The following SLIT3 variants were observed in gnomAD, a reference collection of about 807,000 sequenced individuals.
The protein encoded by SLIT3 is slit guidance ligand 3.
Under a neutral mutation model 184.0 loss-of-function variants are expected in SLIT3, and 68 were observed. That is an observed-to-expected ratio of 0.37 (90% CI 0.30 to 0.45). The LOEUF (loss-of-function observed/expected upper bound fraction) is 0.45, where lower values mean the gene tolerates loss of function less well. Among genes scored for constraint, SLIT3 ranks in the 20% least tolerant of loss-of-function variants. The pLI, the probability that SLIT3 is intolerant of heterozygous loss-of-function variation, is 1.00. For missense variants in SLIT3, 1,707 were observed against 2,026.0 expected (o/e 0.84, Z 3.02); for synonymous variants, 831 against 828.6 (o/e 1.00, Z -0.05).
chr5:168,748,738 C>T (rs1253330031), intron 19 of SLIT3, among the ~76,000 whole-genome samples: 3 of 152,138 alleles, frequency 2.0e-5, no homozygotes, highest in African/African-American at 4.8e-5. Flanking sequence ...GGGAGGGGGG[C>T]AGAGCCTTGT....
At chr5:169,167,519 G>A (rs574189750) in intron 4 of SLIT3, among the ~76,000 whole-genome samples, 4 of 151,874 alleles carry the variant, frequency 2.6e-5, no homozygotes, top group South Asian at 4.2e-4. Context: ...CTCGTGATCC[G>A]CTTACATCGG....
At chr5:169,187,111 G>GTTTTTTTTTTTTTTT (rs761501769) in intron 4 of SLIT3, among the ~76,000 whole-genome samples, 21 of 94,422 alleles carry the variant, frequency 2.2e-4, no homozygotes, top group Non-Finnish European at 3.7e-4. Context: ...GCAGCTATAG[G>GTTTTTTTTTTTTTTT]TTTTTTTTTT....
chr5:169,197,105 T>C (rs192101049), intron 3 of SLIT3, among the ~76,000 whole-genome samples: 172 of 152,302 alleles, frequency 1.1e-3, no homozygotes, highest in Non-Finnish European at 2.2e-3. Flanking sequence ...CCAAGGCTCC[T>C]GGAAGGGAAG....
chr5:169,253,195 G>C (rs560729796), intron 1 of SLIT3, among the ~76,000 whole-genome samples: 1 of 152,256 alleles, frequency 6.6e-6, no homozygotes, highest in African/African-American at 2.4e-5. Flanking sequence ...CATCACACGT[G>C]TTCTTCTTAC....
At chr5:168,773,307 C>T (rs1439642805) in intron 13 of SLIT3, among the ~76,000 whole-genome samples, 1 of 152,148 alleles carries the variant, frequency 6.6e-6, no homozygotes, top group Non-Finnish European at 1.5e-5. Context: ...TTTCTCTAAG[C>T]TCAGTGACAC....
intron 4 of SLIT3, among the ~76,000 whole-genome samples, chr5:168,915,933 T>G (rs1761419309): frequency 6.6e-6 from 1 of 152,252 alleles, no homozygotes; most frequent in Non-Finnish European, 1.5e-5. Flanking sequence ...GGAATTAATA[T>G]TCATTTTGTT....
intron 4 of SLIT3, among the ~76,000 whole-genome samples, chr5:169,117,728 C>T (rs1188825924): frequency 6.6e-6 from 1 of 152,172 alleles, no homozygotes; most frequent in Non-Finnish European, 1.5e-5. Flanking sequence ...AACTCTATTC[C>T]CTGCGACCCA....
intron 4 of SLIT3, among the ~76,000 whole-genome samples, chr5:168,885,365 A>G (rs1052533554): frequency 2.0e-5 from 3 of 152,188 alleles, no homozygotes; most frequent in African/African-American, 7.2e-5. Flanking sequence ...GCCTGATTCA[A>G]TGAGCAGGGC....
intron 4 of SLIT3, among the ~76,000 whole-genome samples, chr5:168,952,757 C>G (rs776172072): frequency 2.0e-5 from 3 of 152,126 alleles, no homozygotes; most frequent in Non-Finnish European, 4.4e-5. Flanking sequence ...AGAGATTAGG[C>G]CTTGTTAAAG....
At chr5:168,879,776 C>T (rs180688203) in intron 5 of SLIT3, among the ~76,000 whole-genome samples, 2 of 152,300 alleles carry the variant, frequency 1.3e-5, no homozygotes, top group East Asian at 1.9e-4. Flanking sequence ...TCACTTCACA[C>T]CCAATGTGAT....
intron 4 of SLIT3, among the ~76,000 whole-genome samples, chr5:168,901,851 A>AT (rs1429157672): frequency 6.6e-6 from 1 of 152,164 alleles, no homozygotes; most frequent in East Asian, 1.9e-4. Flanking sequence ...CCTCTTTGCC[A>AT]TATGCCCTGT....
intron 12 of SLIT3, 69 bp from the exon 13 acceptor site, chr5:168,774,447 T>C (rs1755670218): frequency 1.4e-6 from 2 of 1,472,244 alleles, no homozygotes; most frequent in Non-Finnish European, 1.8e-6. Flanking sequence ...GGGTTGCACC[T>C]GCAGGGGATG....
At chr5:169,233,250 C>A (rs1192691257) in intron 3 of SLIT3, among the ~76,000 whole-genome samples, 2 of 152,190 alleles carry the variant, frequency 1.3e-5, no homozygotes, top group Non-Finnish European at 2.9e-5. Context: ...GTCTCGATCT[C>A]CAGACCTCGT....
intron 3 of SLIT3, among the ~76,000 whole-genome samples, chr5:169,204,887 G>A (rs111568607): frequency 0.014 from 2,111 of 152,288 alleles, 41 homozygotes; most frequent in African/African-American, 0.049. Flanking sequence ...GAGGTTAGTG[G>A]TCATGAGCTG....
chr5:168,725,393 C>T (rs1194203847), intron 20 of SLIT3, among the ~76,000 whole-genome samples: 1 of 152,198 alleles, frequency 6.6e-6, no homozygotes, highest in Non-Finnish European at 1.5e-5. Context: ...GGACATGCCA[C>T]CCTTGCTGTA....
intron 4 of SLIT3, among the ~76,000 whole-genome samples, chr5:169,126,862 T>C (rs1003876067): frequency 6.7e-6 from 1 of 150,088 alleles, no homozygotes; most frequent in South Asian, 2.1e-4. Flanking sequence ...GCCCAGATTT[T>C]TCTCTCCCAC....
At position 168,671,538 on chromosome 5, in the gene SLIT3, G is replaced by A. The variant is rs1761245262; in HGVS notation, c.3842-55C>T. 3.2e-6 allele frequency: 5 copies of A among 1,548,866 alleles called. No homozygotes were observed. In the East Asian group the frequency reaches 9.2e-5, roughly 29 times the overall value. ...GAAGACCCTCCCCTGCCACCCTGCT[G>A]TCCTCAGAGCGAAAAAGCACTTTTC... On this transcript the variant is annotated intron_variant, in intron 33 of 35. Coordinates refer to ENST00000519560, the MANE Select transcript of SLIT3 (RefSeq NM_003062.4).
At chr5:168,914,140 C>T (rs1258033523) in intron 4 of SLIT3, among the ~76,000 whole-genome samples, 2 of 152,182 alleles carry the variant, frequency 1.3e-5, no homozygotes, top group Non-Finnish European at 2.9e-5. Context: ...GTACACATGT[C>T]TTGGAATATT....
chr5:169,186,710 C>T (rs181575071), intron 4 of SLIT3, among the ~76,000 whole-genome samples: 54 of 152,260 alleles, frequency 3.5e-4, no homozygotes, highest in African/African-American at 8.9e-4. Flanking sequence ...CATGTATACG[C>T]GACACCTGTG....
Sources: allele counts gnomAD v4.1 joint callset (sites outside exome capture counted in the v4.1 genomes callset), GRCh38; gene constraint gnomAD v4.1.1; transcripts MANE v1.5; gene names NCBI Gene and HGNC (gene_info 2026-07-23, HGNC 2026-07-21).